Variants in RBBP8 observed in about 807,000 individuals in gnomAD.
The protein encoded by RBBP8 is RB binding protein 8, endonuclease.
A neutral mutation model predicts 108.3 loss-of-function variants in RBBP8; 88 were observed. The ratio of observed to expected loss-of-function variants is 0.81; its 90% confidence interval spans 0.68 to 0.97. The LOEUF (loss-of-function observed/expected upper bound fraction) is 0.97, where lower values mean the gene tolerates loss of function less well. Among genes scored for constraint, RBBP8 ranks in the 50% least tolerant of loss-of-function variants. The pLI is 0.00. For synonymous variants in RBBP8, 332 were observed against 348.2 expected (o/e 0.95, Z 0.52); for missense variants, 1,023 against 1,049.0 (o/e 0.98, Z 0.34).
rs145645106 is a variant in RBBP8 at position 22,937,627 on chromosome 18, C to T, written c.109+667C>T. ...TCCTGTAGTTGGGACCATAGGCACA[C>T]GCTGCCATGCCTGGCTAATTTTTTA... On this transcript the variant is annotated intron_variant, in intron 2 of 18. Coordinates refer to ENST00000327155, the MANE Select transcript of RBBP8 (RefSeq NM_002894.3). Among the ~76,000 whole-genome samples the T allele has an allele frequency of 9.0e-4, 137 of 151,502 alleles. No homozygotes were observed. The Middle Eastern group carries it at 0.017, about 19-fold the overall frequency.
chr18:22,942,675 C>T (rs945949214), intron 2 of RBBP8, among the ~76,000 whole-genome samples: 2 of 151,970 alleles, frequency 1.3e-5, no homozygotes, highest in Admixed American at 6.6e-5. Flanking sequence ...CTTTAAATTC[C>T]GAACTCACAG....
intron 8 of RBBP8, 21 bp from the exon 9 acceptor site, chr18:22,989,200 T>C (rs1365337285): frequency 2.0e-6 from 3 of 1,526,878 alleles, no homozygotes; most frequent in Non-Finnish European, 2.7e-6. Context: ...TTTATTAAAA[T>C]GGTTTATTAT....
chr18:22,966,060 G>T (rs1913555800), intron 4 of RBBP8, among the ~76,000 whole-genome samples: 1 of 152,078 alleles, frequency 6.6e-6, no homozygotes, highest in Admixed American at 6.5e-5. Flanking sequence ...GCATTCTCAG[G>T]TCACTTTCTA....
At chr18:22,924,126 G>GTTTT (rs1567937530) in intron 3 of RBBP8, among the ~76,000 whole-genome samples, 6 of 78,818 alleles carry the variant, frequency 7.6e-5, no homozygotes, top group East Asian at 3.0e-4. Flanking sequence ...GTTTGTTTTT[G>GTTTT]GTTTTTTTTT....
intron 2 of RBBP8, among the ~76,000 whole-genome samples, chr18:22,938,444 C>T (rs1598636397): frequency 6.6e-6 from 1 of 152,134 alleles, no homozygotes; most frequent in African/African-American, 2.4e-5. Context: ...GCCTTGGCCT[C>T]CCAAACAGCT....
intron 2 of RBBP8, among the ~76,000 whole-genome samples, chr18:22,945,724 T>A (rs1348171542): frequency 6.6e-6 from 1 of 152,216 alleles, no homozygotes; most frequent in Non-Finnish European, 1.5e-5. Flanking sequence ...GTTTTATAAT[T>A]TTTACAATTT....
rs1048484009 is a variant in RBBP8, at chr18:22,926,563, C to T, written c.-153-2820C>T. 5.3e-5 allele frequency among the ~76,000 whole-genome samples: 8 copies of T among 152,128 alleles called. No homozygotes were observed. In the East Asian group the frequency reaches 5.8e-4, roughly 11 times the overall value. ...CTTTATCAAGTATAAAGAGATAGTT[C>T]CTAAATCGGGCAAATTATGTGCCAG... On this transcript the variant is annotated intron_variant, in intron 3 of 4. Coordinates refer to the RBBP8 transcript ENST00000577588.
intron 2 of RBBP8, among the ~76,000 whole-genome samples, chr18:22,939,358 T>G (rs982295997): frequency 6.6e-6 from 1 of 151,964 alleles, no homozygotes; most frequent in Non-Finnish European, 1.5e-5. Context: ...AATACAAAAT[T>G]AGCCGGGTGT....
At chr18:23,003,914 G>A (rs747431515) in intron 15 of RBBP8, among the ~76,000 whole-genome samples, 14 of 151,730 alleles carry the variant, frequency 9.2e-5, no homozygotes, top group East Asian at 3.9e-4. Flanking sequence ...AAAATTAACC[G>A]GGCATGGTGG....
chr18:22,997,588 TA>T (rs1239137809), intron 13 of RBBP8, 31 bp from the exon 14 acceptor site: 1 of 1,334,646 alleles, frequency 7.5e-7, no homozygotes, highest in Non-Finnish European at 1.1e-6. Flanking sequence ...GAATAATTGT[TA>T]AAATTTTTGA....
intron 16 of RBBP8, among the ~76,000 whole-genome samples, chr18:23,010,964 C>T (rs958354581): frequency 6.6e-6 from 1 of 152,112 alleles, no homozygotes; most frequent in African/African-American, 2.4e-5. Context: ...AGGATATGGC[C>T]AAAATGTGAT....
chr18:22,968,530 A>G (rs1375729955), intron 4 of RBBP8, among the ~76,000 whole-genome samples: 1 of 152,220 alleles, frequency 6.6e-6, no homozygotes, highest in Non-Finnish European at 1.5e-5. Context: ...TTTTGACCAT[A>G]ACAAATTAAA....
At chr18:22,966,114 C>G (rs1913564332) in intron 4 of RBBP8, among the ~76,000 whole-genome samples, 1 of 152,046 alleles carries the variant, frequency 6.6e-6, no homozygotes, top group Non-Finnish European at 1.5e-5. Context: ...GTTTTGTTTT[C>G]TCTTCCATTC....
intron 1 of RBBP8, 115 bp from the exon 2 acceptor site, chr18:22,936,639 T>G (rs1296112203): frequency 1.8e-6 from 1 of 558,388 alleles, no homozygotes; most frequent in Non-Finnish European, 3.2e-6. Context: ...AAATGATTGA[T>G]TATAGGTAAA....
chr18:22,995,277 AG>A (rs1051496423), intron 12 of RBBP8, among the ~76,000 whole-genome samples: 2 of 151,758 alleles, frequency 1.3e-5, no homozygotes, highest in African/African-American at 4.8e-5. Flanking sequence ...TGGTTGCTCT[AG>A]GGATTACAGT....
upstream of RBBP8, among the ~76,000 whole-genome samples, chr18:22,931,814 AT>A (rs1910046236): frequency 6.6e-6 from 1 of 152,208 alleles, no homozygotes; most frequent in African/African-American, 2.4e-5. Flanking sequence ...ACTTCATTAG[AT>A]CATGTACCAT....
chr18:22,993,178 G>A lies in RBBP8; in HGVS notation c.1351G>A (p.Glu451Lys), dbSNP rs201845876. 3 of 1,614,114 alleles carry A rather than the reference G, an allele frequency of 1.9e-6. No individual in the cohort carries two copies. The Admixed American group carries it at 5.0e-5, about 27-fold the overall frequency. The stretch of plus-strand genomic sequence containing the variant: ...CCGAACATCCAAAAGGAAGAAAACT[G>A]AGGAAGAAAGTGAACATGAAGTAAG... ...GGRTSKRKKTEEESEHEVSCP... is the reference protein window; with the variant it reads ...GGRTSKRKKTKEESEHEVSCP... The change falls in exon 11 of 19, where the codon GAG becomes AAG. Residue 451 changes from glutamate to lysine, a missense_variant. Transcript: ENST00000327155.
chr18:23,012,514 A>C (rs1318096457), intron 16 of RBBP8, among the ~76,000 whole-genome samples: 1 of 152,212 alleles, frequency 6.6e-6, no homozygotes, highest in African/African-American at 2.4e-5. Flanking sequence ...ATTGAAGATC[A>C]AACCAGCCAC....
intron 16 of RBBP8, among the ~76,000 whole-genome samples, chr18:23,015,071 T>C (rs1039196891): frequency 6.6e-6 from 1 of 152,124 alleles, no homozygotes; most frequent in Non-Finnish European, 1.5e-5. Context: ...TTTTATTTTT[T>C]GTAGAGACAG....
Sources: allele counts gnomAD v4.1 joint callset (sites outside exome capture counted in the v4.1 genomes callset), GRCh38; gene constraint gnomAD v4.1.1; transcripts MANE v1.5; gene names NCBI Gene and HGNC (gene_info 2026-07-23, HGNC 2026-07-21).